The following ATP10B variants were observed in gnomAD, a reference collection of about 807,000 sequenced individuals.
ATP10B encodes ATPase phospholipid transporting 10B (putative), also known as phospholipid-transporting ATPase VB.
In ATP10B, 122 loss-of-function variants were observed where a neutral mutation model predicts 141.2. The observed-to-expected ratio is 0.86, with a 90% CI of 0.75 to 1.00. ATP10B has a LOEUF of 1.00. ATP10B is among the 50% of genes least tolerant of loss of function. ATP10B has a pLI of 0.00. For missense variants in ATP10B, 1,876 were observed against 1,825.3 expected (o/e 1.03, Z -0.51); for synonymous variants, 685 against 692.0 (o/e 0.99, Z 0.16).
intron 3 of ATP10B, among the ~76,000 whole-genome samples, chr5:160,697,324 T>C (rs935401467): frequency 6.6e-6 from 1 of 152,244 alleles, no homozygotes; most frequent in Admixed American, 6.5e-5. Context: ...GCGGAGACCT[T>C]ATTCTGCAGT....
the ATP10B span, among the ~76,000 whole-genome samples, chr5:160,900,056 A>C: frequency 6.6e-6 from 1 of 152,122 alleles, no homozygotes; most frequent in Non-Finnish European, 1.5e-5. Context: ...TCCCCGCATA[A>C]GAGTGTGGAG....
intron 2 of ATP10B, among the ~76,000 whole-genome samples, chr5:160,762,192 A>G (rs111573262): frequency 0.072 from 11,005 of 152,300 alleles, 378 homozygotes; most frequent in Middle Eastern, 0.099. Context: ...AGATCTAGAC[A>G]TCCAAATACA....
Position 160,796,830 on chromosome 5 carries a change from G to T in ATP10B, c.-575-11027C>A, listed in dbSNP as rs150653633. Among the ~76,000 whole-genome samples, 595 of 151,638 alleles carry T rather than the reference G, an allele frequency of 3.9e-3. 1 individual carries two copies. The highest frequency in any genetic ancestry group is 6.1e-3 in the Non-Finnish European group (414 of 68,022). On this transcript the variant is annotated intron_variant, in intron 1 of 25. Transcript: ENST00000327245. ...GAGGACAAGAAGGGAATCCAGAGGA[G>T]GGGGAGGAAAGGGAGAAAAGGTGGC... is the stretch of plus-strand genomic sequence containing the variant.
At chr5:160,607,216 C>A in intron 18 of ATP10B, 130 bp from the exon 19 acceptor site, 1 of 789,794 alleles carries the variant, frequency 1.3e-6, no homozygotes, top group Non-Finnish European at 2.0e-6. Flanking sequence ...AGCTATTCTC[C>A]AATTTTTATA....
At chr5:160,837,754 T>A (rs1481600800) in intron 1 of ATP10B, among the ~76,000 whole-genome samples, 1 of 152,146 alleles carries the variant, frequency 6.6e-6, no homozygotes, top group Non-Finnish European at 1.5e-5. Context: ...TATACTACCA[T>A]CTGCTTTAGC....
At chr5:160,653,598 C>CATATATATT (rs1353512941) in intron 7 of ATP10B, among the ~76,000 whole-genome samples, 2 of 83,828 alleles carry the variant, frequency 2.4e-5, no homozygotes, top group African/African-American at 1.1e-4. Context: ...TACATATATA[C>CATATATATT]ATATATACAT....
chr5:160,670,962 C>T (rs1230383234), intron 6 of ATP10B, among the ~76,000 whole-genome samples: 1 of 151,868 alleles, frequency 6.6e-6, no homozygotes, highest in Non-Finnish European at 1.5e-5. Context: ...GTCAGGAGTT[C>T]GAGACCAGCC....
chr5:160,676,866 G>A (rs1262348400), intron 6 of ATP10B, among the ~76,000 whole-genome samples: 1 of 152,210 alleles, frequency 6.6e-6, no homozygotes, highest in East Asian at 1.9e-4. Flanking sequence ...TTTCATAGAT[G>A]ATGAAACAGG....
At chr5:160,672,510 G>A (rs997050985) in intron 6 of ATP10B, among the ~76,000 whole-genome samples, 9 of 152,180 alleles carry the variant, frequency 5.9e-5, no homozygotes, top group Middle Eastern at 3.2e-3. Flanking sequence ...GATCTGTTCC[G>A]GAGGTGTGGG....
chr5:160,592,410 A>G (rs1756372034), intron 22 of ATP10B, among the ~76,000 whole-genome samples: 1 of 152,194 alleles, frequency 6.6e-6, no homozygotes, highest in Non-Finnish European at 1.5e-5. Context: ...AATGTGTGAT[A>G]TAATTAAGAA....
chr5:160,834,702 C>T (rs947330771), intron 1 of ATP10B, among the ~76,000 whole-genome samples: 5 of 152,140 alleles, frequency 3.3e-5, no homozygotes, highest in Non-Finnish European at 7.4e-5. Flanking sequence ...TTCAGACACT[C>T]ACATACAAAT....
chr5:160,827,560 C>G (rs1400105660), intron 1 of ATP10B, among the ~76,000 whole-genome samples: 1 of 152,014 alleles, frequency 6.6e-6, no homozygotes, highest in Non-Finnish European at 1.5e-5. Flanking sequence ...GTCAGATGCA[C>G]AGTTTACAAA....
At chr5:160,651,916 T>C (rs575836320) in intron 7 of ATP10B, among the ~76,000 whole-genome samples, 13 of 152,148 alleles carry the variant, frequency 8.5e-5, no homozygotes, top group African/African-American at 2.9e-4. Context: ...CCTGATTAAG[T>C]CATGTGCTTC....
chr5:160,646,908 A>G (rs1273580290), intron 8 of ATP10B, among the ~76,000 whole-genome samples: 1 of 152,156 alleles, frequency 6.6e-6, no homozygotes, highest in Non-Finnish European at 1.5e-5. Context: ...TGGACTACAC[A>G]ATTCTCTGCT....
At chr5:160,886,759 A>G in the ATP10B span, among the ~76,000 whole-genome samples, 1 of 152,196 alleles carries the variant, frequency 6.6e-6, no homozygotes, top group Non-Finnish European at 1.5e-5. Flanking sequence ...CAGCTAACTC[A>G]GGGCAATGGT....
chr5:160,775,212 C>T (rs534219761), intron 2 of ATP10B, among the ~76,000 whole-genome samples: 1 of 152,344 alleles, frequency 6.6e-6, no homozygotes, highest in South Asian at 2.1e-4. Flanking sequence ...GCAGCCAAGT[C>T]AAACTCTATT....
chr5:160,605,658 C>G (rs114757740), intron 19 of ATP10B, among the ~76,000 whole-genome samples: 160 of 152,276 alleles, frequency 1.1e-3, no homozygotes, highest in Admixed American at 2.6e-3. Context: ...AAACCAGGAA[C>G]AAAACCATCA....
intron 7 of ATP10B, among the ~76,000 whole-genome samples, chr5:160,652,866 TAA>T (rs1491280815): frequency 5.5e-5 from 5 of 91,416 alleles, no homozygotes; most frequent in Admixed American, 3.4e-4. Context: ...AAATTATATA[TAA>T]TATATATAAT....
chr5:160,622,534 C>A lies in ATP10B; in HGVS notation c.1672G>T (p.Ala558Ser). 6.2e-7 allele frequency: 1 copy of A among 1,614,062 alleles called. No homozygotes were observed. The highest frequency in any genetic ancestry group is 8.5e-7 in the Non-Finnish European group (1 of 1,179,994). ...TCTGACAAGGTCTCCAACCACAGGG[C>A]AGCATCTCGAACCTTGGTCAGTAGG... ...KNLLTKVRDA[A>S]LWLETLSDSR... Residue 558 changes from alanine (A) to serine (S), a missense_variant, in exon 14 of 26, where the codon GCC becomes TCC. By Grantham distance (99) the Ala-to-Ser change is moderately conservative. Transcript: ENST00000327245.
Sources: allele counts gnomAD v4.1 joint callset (sites outside exome capture counted in the v4.1 genomes callset), GRCh38; gene constraint gnomAD v4.1.1; transcripts MANE v1.5; gene names NCBI Gene and HGNC (gene_info 2026-07-23, HGNC 2026-07-21).